PCDH15: variants seen among roughly 807,000 people sequenced by gnomAD.
The protein encoded by PCDH15 is protocadherin-15.
In PCDH15, 129 loss-of-function variants were observed where a neutral mutation model predicts 178.5. The observed-to-expected ratio is 0.72, with a 90% CI of 0.63 to 0.84. The LOEUF (loss-of-function observed/expected upper bound fraction) is 0.84. Among genes scored for constraint, PCDH15 ranks in the 40% least tolerant of loss-of-function variants. The pLI is 0.00. For synonymous variants in PCDH15, 800 were observed against 732.0 expected (o/e 1.09, Z -1.50); for missense variants, 2,230 against 2,099.9 (o/e 1.06, Z -1.21).
chr10:54,979,127 T>C (rs1043671379), intron 2 of PCDH15, among the ~76,000 whole-genome samples: 7 of 152,168 alleles, frequency 4.6e-5, no homozygotes, highest in African/African-American at 1.7e-4. Context: ...CAGAGTGATA[T>C]GGCTCCAAAG....
chr10:55,385,936 T>A (rs1421730485), intron 2 of PCDH15, among the ~76,000 whole-genome samples: 1 of 151,540 alleles, frequency 6.6e-6, no homozygotes, highest in Non-Finnish European at 1.5e-5. Context: ...AATAGCATTG[T>A]TCTCAGACTG....
rs760329179 is a variant in PCDH15, at chr10:54,923,090, C to T, written c.-79-25590G>A. ...AGGCTCTCAGGCTTTAAATCCTGCTCTCCACATGCCTGCAGGCCCAACCAC... is the reference window on the plus strand; with the variant it reads ...AGGCTCTCAGGCTTTAAATCCTGCTTTCCACATGCCTGCAGGCCCAACCAC... On this transcript the variant is annotated intron_variant, in intron 2 of 5. Transcript: ENST00000458638. Among the ~76,000 whole-genome samples, 9 of 90,390 alleles carry T rather than the reference C, an allele frequency of 1.0e-4. 2 individuals are homozygous for T. The highest frequency in any genetic ancestry group is 2.8e-4 in the Non-Finnish European group (9 of 31,848). 59.3% of individuals were successfully genotyped at this position (90,390 alleles called of 152,430 possible).
chr10:55,618,533 T>G (rs1191438124), intron 2 of PCDH15, among the ~76,000 whole-genome samples: 1 of 152,012 alleles, frequency 6.6e-6, no homozygotes, highest in Non-Finnish European at 1.5e-5. Context: ...TCGTATCTGA[T>G]TTTGTGCTTT....
At chr10:54,513,119 A>C (rs2081873727) in intron 3 of PCDH15, among the ~76,000 whole-genome samples, 1 of 152,018 alleles carries the variant, frequency 6.6e-6, no homozygotes. Flanking sequence ...CATTTTAAAA[A>C]TATGAATACA....
intron 2 of PCDH15, among the ~76,000 whole-genome samples, chr10:55,514,847 T>C (rs528091481): frequency 5.4e-4 from 82 of 152,114 alleles, no homozygotes; most frequent in Non-Finnish European, 1.0e-3. Flanking sequence ...CCATTTCTAT[T>C]ACCTGCTTAG....
At chr10:54,259,766 C>T (rs1245520294) in intron 8 of PCDH15, among the ~76,000 whole-genome samples, 1 of 152,062 alleles carries the variant, frequency 6.6e-6, no homozygotes, top group Non-Finnish European at 1.5e-5. Context: ...TTTCTATGTT[C>T]CAGTCTTGTA....
intron 2 of PCDH15, among the ~76,000 whole-genome samples, chr10:55,125,917 C>T: frequency 6.6e-6 from 1 of 152,044 alleles, no homozygotes; most frequent in East Asian, 1.9e-4. Context: ...AGAATATTGG[C>T]TAAACGGTGT....
intron 3 of PCDH15, among the ~76,000 whole-genome samples, chr10:54,430,217 A>T (rs1956803078): frequency 6.6e-6 from 1 of 151,940 alleles, no homozygotes; most frequent in African/African-American, 2.4e-5. Flanking sequence ...CACCATGCCC[A>T]ACTAATTTTT....
chr10:53,982,117 G>T (rs1484575706), intron 21 of PCDH15, among the ~76,000 whole-genome samples: 1 of 152,088 alleles, frequency 6.6e-6, no homozygotes, highest in South Asian at 2.1e-4. Context: ...AAACCACAAT[G>T]AGATACCATC....
chr10:53,958,105 G>A (rs905892011), intron 23 of PCDH15, among the ~76,000 whole-genome samples: 5 of 152,132 alleles, frequency 3.3e-5, no homozygotes, highest in South Asian at 2.1e-4. Context: ...TACCTTAGCT[G>A]CTGTTCTAGC....
chr10:54,262,579 C>T (rs1192454071), intron 8 of PCDH15, among the ~76,000 whole-genome samples: 4 of 152,132 alleles, frequency 2.6e-5, no homozygotes, highest in South Asian at 2.1e-4. Flanking sequence ...AGCTCAGTCC[C>T]GTGAGCCCAG....
intron 13 of PCDH15, among the ~76,000 whole-genome samples, chr10:54,166,007 G>A (rs891225465): frequency 6.6e-6 from 1 of 152,182 alleles, no homozygotes; most frequent in Admixed American, 6.5e-5. Context: ...TGACAAAGGG[G>A]CTGGGAGAAT....
intron 2 of PCDH15, among the ~76,000 whole-genome samples, chr10:55,406,393 A>G (rs940139705): frequency 1.3e-5 from 2 of 152,136 alleles, no homozygotes; most frequent in Non-Finnish European, 2.9e-5. Context: ...CATCATTTGT[A>G]CCTTACTGGC....
chr10:54,079,995 G>A (rs1424672627), intron 16 of PCDH15, among the ~76,000 whole-genome samples: 2 of 151,836 alleles, frequency 1.3e-5, no homozygotes, highest in Admixed American at 6.6e-5. Flanking sequence ...TATGTTTTTT[G>A]TAATGTTTCT....
At chr10:55,135,519 C>G (rs557945311) in intron 2 of PCDH15, among the ~76,000 whole-genome samples, 2 of 151,604 alleles carry the variant, frequency 1.3e-5, no homozygotes, top group Non-Finnish European at 2.9e-5. Flanking sequence ...TGGGAGCCTT[C>G]CCTGGTCTCC....
chr10:55,155,397 G>T (rs986328299), intron 2 of PCDH15, among the ~76,000 whole-genome samples: 1 of 144,662 alleles, frequency 6.9e-6, no homozygotes, highest in African/African-American at 2.6e-5. Context: ...AAGAATGGGT[G>T]AAATTTAATG....
At chr10:55,423,565 A>G (rs1187255582) in intron 2 of PCDH15, among the ~76,000 whole-genome samples, 1 of 152,014 alleles carries the variant, frequency 6.6e-6, no homozygotes, top group African/African-American at 2.4e-5. Flanking sequence ...CTATAAGGTA[A>G]AAGGGGGGAA....
chr10:55,346,943 G>A (rs12571315), intron 2 of PCDH15, among the ~76,000 whole-genome samples: 26,712 of 151,816 alleles, frequency 0.18, 2,457 homozygotes, highest in South Asian at 0.24. Context: ...AGTTGGGCGC[G>A]GTGACTCACA....
At chr10:54,435,935 A>C (rs1032675294) in intron 3 of PCDH15, among the ~76,000 whole-genome samples, 2 of 151,676 alleles carry the variant, frequency 1.3e-5, no homozygotes, top group African/African-American at 4.9e-5. Context: ...GTGCCACTGC[A>C]CTCCAGCCTG....
Sources: gnomAD v4.1 joint callset for allele counts (sites outside exome capture counted in the v4.1 genomes callset) on GRCh38, gnomAD v4.1.1 for gene constraint, MANE v1.5 for transcripts, NCBI Gene and HGNC (gene_info 2026-07-23, HGNC 2026-07-21) for gene names.